GLCCI1: variants seen among roughly 807,000 people sequenced by gnomAD.
GLCCI1 encodes glucocorticoid-induced transcript 1 protein.
Under a neutral mutation model 52.2 loss-of-function variants are expected in GLCCI1, and 24 were observed. That is an observed-to-expected ratio of 0.46 (90% CI 0.33 to 0.65). The LOEUF is 0.65. Ranked by LOEUF, GLCCI1 falls within the 30% of genes least tolerant of loss-of-function variation. The probability of loss-of-function intolerance (pLI) is 0.02; values close to 1 mark genes in which losing one functional copy is unlikely to be tolerated. For missense variants in GLCCI1, 704 were observed against 701.5 expected (o/e 1.00, Z -0.04); for synonymous variants, 310 against 276.5 (o/e 1.12, Z -1.20).
At chr7:7,984,188 G>C (rs1562416360) in intron 1 of GLCCI1, among the ~76,000 whole-genome samples, 1 of 152,092 alleles carries the variant, frequency 6.6e-6, no homozygotes, top group Non-Finnish European at 1.5e-5. Flanking sequence ...AGCCTCTGGA[G>C]TATCCAGGAC....
chr7:8,022,396 C>G, intron 2 of GLCCI1, 87 bp from the exon 3 acceptor site: 1 of 682,334 alleles, frequency 1.5e-6, no homozygotes, highest in Non-Finnish European at 2.1e-6. Flanking sequence ...CTGGTAAGTG[C>G]TAAGAATTTT....
chr7:8,041,512 T>C (rs1047284959), intron 3 of GLCCI1, among the ~76,000 whole-genome samples: 3 of 152,222 alleles, frequency 2.0e-5, no homozygotes, highest in African/African-American at 7.2e-5. Flanking sequence ...AGATGTTGTC[T>C]AGGACTTTCA....
At chr7:7,984,122 G>A (rs1025050720) in intron 1 of GLCCI1, among the ~76,000 whole-genome samples, 2 of 152,108 alleles carry the variant, frequency 1.3e-5, no homozygotes, top group African/African-American at 2.4e-5. Flanking sequence ...TTGCAGTGGC[G>A]CAATCATGGC....
intron 1 of GLCCI1, among the ~76,000 whole-genome samples, chr7:7,977,006 C>T (rs1459743938): frequency 6.6e-6 from 1 of 151,904 alleles, no homozygotes; most frequent in Non-Finnish European, 1.5e-5. Context: ...AACTTCCTGT[C>T]TAGTGTTACT....
chr7:8,007,820 T>C (rs1781186746), intron 2 of GLCCI1, among the ~76,000 whole-genome samples: 1 of 152,156 alleles, frequency 6.6e-6, no homozygotes, highest in South Asian at 2.1e-4. Flanking sequence ...AAAATTAATA[T>C]TGTTTAGTAT....
chr7:8,017,049 G>A lies in GLCCI1; in HGVS notation c.610-5434G>A, dbSNP rs572368134. 4.7e-4 allele frequency among the ~76,000 whole-genome samples: 72 copies of A among 152,276 alleles called. 1 individual carries two copies. The highest frequency in any genetic ancestry group is 3.4e-3 in the Middle Eastern group (1 of 294). On this transcript the variant is annotated intron_variant, in intron 2 of 7. Coordinates refer to ENST00000223145, the MANE Select transcript of GLCCI1 (RefSeq NM_138426.4). ...ATTCATTCAGTCAGAGGTAGTTATT[G>A]TGTGTTTGCTGTCTTACAAATAAGA...
At chr7:7,993,541 C>T (rs1027508999) in intron 1 of GLCCI1, among the ~76,000 whole-genome samples, 2 of 152,132 alleles carry the variant, frequency 1.3e-5, no homozygotes, top group African/African-American at 4.8e-5. Flanking sequence ...GAATCCCCTC[C>T]CAGTTTGGCT....
chr7:7,993,325 G>A lies in GLCCI1; in HGVS notation c.458-10583G>A, dbSNP rs145871467. 1.7e-3 allele frequency among the ~76,000 whole-genome samples: 260 copies of A among 152,142 alleles called. 2 individuals are homozygous for A. The highest frequency in any genetic ancestry group is 5.5e-3 in the African/African-American group (229 of 41,510). Reference sequence around the variant, plus strand: ...TCGATTCTGCTCTCTTCCTGACTCCGTTGTCCAACTTTTTCTCAACCTTCT... The same window carrying A: ...TCGATTCTGCTCTCTTCCTGACTCCATTGTCCAACTTTTTCTCAACCTTCT... On this transcript the variant is annotated intron_variant, in intron 1 of 7. Coordinates refer to ENST00000223145, the MANE Select transcript of GLCCI1 (RefSeq NM_138426.4).
intron 6 of GLCCI1, among the ~76,000 whole-genome samples, chr7:8,083,243 CTACT>C (rs1200173685): frequency 1.3e-5 from 2 of 152,104 alleles, no homozygotes; most frequent in South Asian, 2.1e-4. Context: ...TCCATCCTCC[CTACT>C]TACTTGTATT....
intron 6 of GLCCI1, 75 bp downstream of exon 6, chr7:8,071,206 C>G: frequency 1.1e-6 from 1 of 884,448 alleles, no homozygotes; most frequent in South Asian, 2.0e-5. Flanking sequence ...ACCATTACAT[C>G]TTTTTTTTTT....
At chr7:8,005,998 A>G (rs1781141344) in intron 2 of GLCCI1, among the ~76,000 whole-genome samples, 1 of 152,114 alleles carries the variant, frequency 6.6e-6, no homozygotes, top group South Asian at 2.1e-4. Flanking sequence ...GGGTTTCACC[A>G]TGTTAGTCAA....
In GLCCI1 at chr7:8,086,413, T is replaced by G. The variant is rs756242585; in HGVS notation, c.1519T>G (p.Ser507Ala). The G allele has an allele frequency of 9.9e-6, 16 of 1,614,170 alleles. No individual in the cohort carries two copies. The Admixed American group carries it at 2.2e-4, about 22-fold the overall frequency. ...LSSRVSFTSLSDDTSTAGSME... is the reference protein window; with the variant it reads ...LSSRVSFTSLADDTSTAGSME... Reference sequence around the variant, plus strand: ...ATCCCGGGTTTCCTTTACGTCTCTTTCTGATGACACCAGCACAGCGGGCTC... The same window carrying G: ...ATCCCGGGTTTCCTTTACGTCTCTTGCTGATGACACCAGCACAGCGGGCTC... The change falls in exon 8 of 8, where the codon TCT (serine) becomes GCT (alanine). Residue 507 changes from serine to alanine, a missense_variant. By Grantham distance (99) the Ser-to-Ala change is moderately conservative. This residue lies in a region of GLCCI1 where 149 missense variants were observed against 152.9 expected (regional missense o/e 0.97). Transcript: ENST00000223145. The surrounding 1 kb of genome is among the most constrained non-coding windows in gnomAD (Gnocchi z 4.4).
chr7:8,002,719 G>A (rs38009), intron 1 of GLCCI1, among the ~76,000 whole-genome samples: 2 of 152,036 alleles, frequency 1.3e-5, no homozygotes, highest in Non-Finnish European at 2.9e-5. Flanking sequence ...TCTGAAAAGA[G>A]TTAGCCTTGG....
Position 8,004,045 on chromosome 7 carries a change from G to T in GLCCI1, c.595G>T (p.Asp199Tyr). 6.2e-7 allele frequency: 1 copy of T among 1,612,782 alleles called. No homozygotes were observed. The highest frequency in any genetic ancestry group is 8.5e-7 in the Non-Finnish European group (1 of 1,179,268). Residue 199 changes from aspartate to tyrosine, a missense_variant, in exon 2 of 8, where the codon GAC becomes TAC. By Grantham distance (160) the Asp-to-Tyr change is radical. Coordinates refer to ENST00000223145, the MANE Select transcript of GLCCI1 (RefSeq NM_138426.4). Reference protein sequence around the residue: ...PHVHYPSCMKDKATQTPSCWA... With the variant: ...PHVHYPSCMKYKATQTPSCWA... Reference sequence around the variant, plus strand: ...TGTTCACTACCCTTCATGCATGAAAGACAAAGCTACTCAGGTAAAATCAGG... The same window carrying T: ...TGTTCACTACCCTTCATGCATGAAATACAAAGCTACTCAGGTAAAATCAGG...
At chr7:8,044,903 G>A (rs1395091257) in intron 3 of GLCCI1, among the ~76,000 whole-genome samples, 1 of 152,186 alleles carries the variant, frequency 6.6e-6, no homozygotes, top group Non-Finnish European at 1.5e-5. Context: ...TTGGTGATGA[G>A]TGGATGTTGA....
At position 8,003,920 on chromosome 7, in the gene GLCCI1, A is replaced by T. The variant is rs1781096353; in HGVS notation, c.470A>T (p.Lys157Ile). The T allele has an allele frequency of 2.5e-6, 4 of 1,611,360 alleles. No individual in the cohort carries two copies. Among genetic ancestry groups the T allele is most frequent in the Non-Finnish European group, 2.5e-6 (3 of 1,178,872 alleles). The change falls in exon 2 of 8, where the codon AAA (lysine) becomes ATA (isoleucine). Residue 157 changes from lysine to isoleucine, a missense_variant. This residue lies in a region of GLCCI1 where 547 missense variants were observed against 524.8 expected (regional missense o/e 1.04). Coordinates refer to ENST00000223145, the MANE Select transcript of GLCCI1 (RefSeq NM_138426.4). Reference protein sequence around the residue: ...GSPVCRADKAKSQQVRTSSTI... With the variant: ...GSPVCRADKAISQQVRTSSTI... ...TCACTTTCTGTAGCGGACAAGGCAA[A>T]ATCTCAGCAAGTTCGGACCTCTAGT... is the stretch of plus-strand genomic sequence containing the variant.
At chr7:7,980,814 G>T (rs553632652) in intron 1 of GLCCI1, 3 of 692,286 alleles carry the variant, frequency 4.3e-6, no homozygotes, top group Non-Finnish European at 8.0e-6. Context: ...GAAAATAAAT[G>T]AGACCTTTGT....
At chr7:8,029,296 A>G (rs1781695622) in intron 3 of GLCCI1, among the ~76,000 whole-genome samples, 1 of 152,208 alleles carries the variant, frequency 6.6e-6, no homozygotes, top group Non-Finnish European at 1.5e-5. Flanking sequence ...AAGATGGTTC[A>G]ACAAACTCAA....
intron 1 of GLCCI1, among the ~76,000 whole-genome samples, chr7:7,995,730 A>G (rs941155398): frequency 6.6e-6 from 1 of 152,142 alleles, no homozygotes; most frequent in African/African-American, 2.4e-5. Context: ...GAAGGGGAAC[A>G]TCACACACCA....
Sources: gnomAD v4.1 joint callset for allele counts (sites outside exome capture counted in the v4.1 genomes callset) on GRCh38, gnomAD v4.1.1 for gene constraint, gnomAD v4.1.1 regional missense constraint, Gnocchi (gnomAD v3.1) non-coding constraint, MANE v1.5 for transcripts, NCBI Gene and HGNC (gene_info 2026-07-23, HGNC 2026-07-21) for gene names.